Variants in ZMYM4 observed in about 807,000 individuals in gnomAD.
ZMYM4 encodes the protein zinc finger MYM-type protein 4.
ZMYM4 carries 31 observed loss-of-function variants against 183.2 expected under a neutral mutation model. The ratio of observed to expected loss-of-function variants is 0.17; its 90% CI spans 0.13 to 0.23. The LOEUF is 0.23. Ranked by LOEUF, ZMYM4 falls within the 10% of genes least tolerant of loss-of-function variation. The pLI is 1.00. For missense variants in ZMYM4, 1,273 were observed against 1,840.3 expected (o/e 0.69, Z 5.64); for synonymous variants, 592 against 631.2 (o/e 0.94, Z 0.93).
At chr1:35,347,230 C>T (rs1213621498) in intron 2 of ZMYM4, among the ~76,000 whole-genome samples, 1 of 152,238 alleles carries the variant, frequency 6.6e-6, no homozygotes, top group Non-Finnish European at 1.5e-5. Flanking sequence ...TGGTCTCGAA[C>T]TCCTGACCTC....
intron 1 of ZMYM4, among the ~76,000 whole-genome samples, chr1:35,301,752 G>T (rs1210646460): frequency 6.6e-6 from 1 of 152,080 alleles, no homozygotes; most frequent in Non-Finnish European, 1.5e-5. Flanking sequence ...GAACTTCTCA[G>T]TGTATCTCTC....
intron 7 of ZMYM4, among the ~76,000 whole-genome samples, chr1:35,376,732 G>A (rs778406417): frequency 5.3e-5 from 8 of 151,826 alleles, no homozygotes; most frequent in Non-Finnish European, 1.0e-4. Context: ...CACCGTATTG[G>A]CCAGGATGGT....
intron 26 of ZMYM4, among the ~76,000 whole-genome samples, chr1:35,410,555 C>T (rs1639844624): frequency 6.6e-6 from 1 of 151,902 alleles, no homozygotes; most frequent in Non-Finnish European, 1.5e-5. Context: ...GTGACACCAT[C>T]TGGGCTCACT....
chr1:35,324,097 T>G lies in ZMYM4; in HGVS notation c.40-1263T>G, dbSNP rs888901221. On this transcript the variant is annotated intron_variant, in intron 1 of 29. Coordinates refer to ENST00000314607, the MANE Select transcript of ZMYM4 (RefSeq NM_005095.3). ...AGGATGTATCCTTTTTTTTTGTTAT[T>G]TCTTTGGTATTTAGTGGGCCCATTC... Among the ~76,000 whole-genome samples, 4 of 152,282 alleles carry G rather than the reference T, an allele frequency of 2.6e-5. No homozygotes were observed. The South Asian group carries it at 8.3e-4, about 32-fold the overall frequency.
At chr1:35,372,450 T>G (rs766659589) in intron 7 of ZMYM4, among the ~76,000 whole-genome samples, 1 of 152,202 alleles carries the variant, frequency 6.6e-6, no homozygotes, top group African/African-American at 2.4e-5. Context: ...TGAAGATGTA[T>G]TGTACAATAT....
At position 35,387,169 on chromosome 1, in the gene ZMYM4, G is replaced by A. The variant is rs777585345; in HGVS notation, c.2003G>A (p.Arg668His). ...AGCTCTGCTGCAGCTGGTCTCCAGC[G>A]TCTCGCTGCCCAGTCCCAGCATGTT... is the stretch of plus-strand genomic sequence containing the variant. ...ISSSAAAGLQRLAAQSQHVGF... is the reference protein window; with the variant it reads ...ISSSAAAGLQHLAAQSQHVGF... The change falls in exon 12 of 30, where the codon CGT becomes CAT. Residue 668 changes from arginine to histidine, a missense_variant. Around this residue, in one of 6 missense-constraint regions of ZMYM4, gnomAD observed 319 missense variants for 518.1 expected, o/e 0.62. Transcript: ENST00000314607. 1.6e-5 allele frequency: 26 copies of A among 1,614,092 alleles called. No individual in the cohort carries two copies. The highest frequency in any genetic ancestry group is 2.7e-5 in the African/African-American group (2 of 74,928).
At chr1:35,374,679 A>C (rs542977873) in intron 7 of ZMYM4, among the ~76,000 whole-genome samples, 3 of 151,944 alleles carry the variant, frequency 2.0e-5, no homozygotes, top group African/African-American at 7.2e-5. Context: ...TCTCAAAAAA[A>C]AAAAAAAGTC....
intron 1 of ZMYM4, among the ~76,000 whole-genome samples, chr1:35,278,981 G>A (rs1280326849): frequency 6.6e-6 from 1 of 152,158 alleles, no homozygotes; most frequent in Non-Finnish European, 1.5e-5. Flanking sequence ...AGGATCTCCG[G>A]TTTCAAGCAA....
intron 1 of ZMYM4, among the ~76,000 whole-genome samples, chr1:35,277,942 G>A (rs1467213910): frequency 6.6e-5 from 10 of 151,890 alleles, no homozygotes. Context: ...GATGATTGGC[G>A]GTCTCTTAAA....
chr1:35,399,563 A>G lies in ZMYM4; in HGVS notation c.3515A>G (p.Gln1172Arg). The G allele has an allele frequency of 6.2e-7, 1 of 1,614,064 alleles. No homozygotes were observed. Among genetic ancestry groups the G allele is most frequent in the South Asian group, 1.1e-5 (1 of 91,050 alleles). Residue 1172 changes from glutamine (Q) to arginine (R), a missense_variant, in exon 23 of 30, where the codon CAA (glutamine) becomes CGA (arginine). Coordinates refer to ENST00000314607, the MANE Select transcript of ZMYM4 (RefSeq NM_005095.3). ...TRRRHRDGFP[Q>R]PRRRGRKKSI... ...CGACGACACAGAGATGGCTTCCCCC[A>G]ACCCAGACGAAGAGTAAGCTGCAGC... is the stretch of plus-strand genomic sequence containing the variant.
At position 35,350,916 on chromosome 1, in the gene ZMYM4, G is replaced by T. The variant is rs189964005; in HGVS notation, c.86-8009G>T. The T allele has an allele frequency of 4.7e-5, 30 of 643,666 alleles. No individual in the cohort carries two copies. In the African/African-American group the frequency reaches 5.1e-4, roughly 11 times the overall value. 39.9% of individuals were successfully genotyped at this position (643,666 alleles called of 1,614,324 possible). ...AGATATCATTTGTCAGATTGCTTAT[G>T]CCCTTATAGAGGGGGATATGATAGT... On this transcript the variant is annotated intron_variant, in intron 2 of 29. Coordinates refer to ENST00000314607, the MANE Select transcript of ZMYM4 (RefSeq NM_005095.3).
intron 1 of ZMYM4, 30 bp downstream of exon 1, chr1:35,269,115 CG>C (rs1639458471): frequency 1.9e-6 from 3 of 1,542,076 alleles, no homozygotes; most frequent in East Asian, 2.5e-5. Flanking sequence ...ACTCGGGCGG[CG>C]GGGGGCGGGG....
chr1:35,370,737 T>TC, intron 7 of ZMYM4, 110 bp downstream of exon 7: 1 of 1,158,258 alleles, frequency 8.6e-7, no homozygotes, highest in South Asian at 3.5e-5. Flanking sequence ...CTTTTTTTTT[T>TC]TTTTTTTTTT....
chr1:35,364,808 C>CT (rs1203848980), intron 5 of ZMYM4, among the ~76,000 whole-genome samples: 2 of 152,078 alleles, frequency 1.3e-5, no homozygotes, highest in African/African-American at 4.8e-5. Context: ...TCCTAATTCT[C>CT]TTTTTTACAC....
intron 20 of ZMYM4, 100 bp downstream of exon 20, chr1:35,397,645 C>G: frequency 9.6e-7 from 1 of 1,036,892 alleles, no homozygotes; most frequent in Non-Finnish European, 1.3e-6. Flanking sequence ...TTTCTAAAAC[C>G]TTTATTGTCT....
chr1:35,323,974 T>C (rs1177040754), intron 1 of ZMYM4, among the ~76,000 whole-genome samples: 1 of 152,214 alleles, frequency 6.6e-6, no homozygotes, highest in Non-Finnish European at 1.5e-5. Flanking sequence ...AATGTTTACA[T>C]AGTTGAATTT....
chr1:35,271,771 T>G (rs1218323317), intron 1 of ZMYM4, among the ~76,000 whole-genome samples: 3 of 152,198 alleles, frequency 2.0e-5, no homozygotes, highest in African/African-American at 7.2e-5. Context: ...CCCATTATTT[T>G]GCCAGTTTCA....
chr1:35,384,663 T>C (rs1644534787), intron 9 of ZMYM4, among the ~76,000 whole-genome samples: 1 of 152,080 alleles, frequency 6.6e-6, no homozygotes, highest in Admixed American at 6.6e-5. Context: ...GTTACTAATT[T>C]CCTTAAATTC....
intron 25 of ZMYM4, among the ~76,000 whole-genome samples, chr1:35,407,750 C>G (rs1288972388): frequency 6.6e-6 from 1 of 152,184 alleles, no homozygotes; most frequent in Non-Finnish European, 1.5e-5. Flanking sequence ...TGACTCTTCC[C>G]TGTTGGATAG....
Sources: gnomAD v4.1 joint callset for allele counts (sites outside exome capture counted in the v4.1 genomes callset) on GRCh38, gnomAD v4.1.1 for gene constraint, gnomAD v4.1.1 regional missense constraint, MANE v1.5 for transcripts, NCBI Gene and HGNC (gene_info 2026-07-23, HGNC 2026-07-21) for gene names.